The following SLC9A7 variants were observed in gnomAD, a reference collection of about 807,000 sequenced individuals.
SLC9A7 encodes sodium/hydrogen exchanger 7.
Under a neutral mutation model 52.6 loss-of-function variants are expected in SLC9A7, and 19 were observed. The ratio of observed to expected loss-of-function variants is 0.36; its 90% CI spans 0.25 to 0.53. The LOEUF (loss-of-function observed/expected upper bound fraction) is 0.53, where lower values mean the gene tolerates loss of function less well. SLC9A7 is among the 20% of genes least tolerant of loss of function. The pLI is 0.91. For missense variants in SLC9A7, 455 were observed against 597.9 expected (o/e 0.76, Z 2.49); for synonymous variants, 226 against 252.1 (o/e 0.90, Z 0.98).
intron 1 of SLC9A7, 115 bp downstream of exon 1, chrX:46,758,590 G>A: frequency 2.3e-6 from 1 of 443,389 alleles, no homozygotes; most frequent in Non-Finnish European, 3.6e-6. Context: ...GTCGCAGCGG[G>A]AAACGTAAAA....
chrX:46,659,072 C>T (rs1415151026), intron 7 of SLC9A7, among the ~76,000 whole-genome samples: 6 of 110,418 alleles, frequency 5.4e-5, no homozygotes, highest in Admixed American at 2.9e-4. Context: ...GTTCAATATA[C>T]GCAAATCAAT....
intron 12 of SLC9A7, among the ~76,000 whole-genome samples, chrX:46,642,569 C>T (rs911252552): frequency 8.9e-6 from 1 of 112,123 alleles, no homozygotes; most frequent in Non-Finnish European, 1.9e-5. Flanking sequence ...GGCTGTGGGT[C>T]TCTTGAACCT....
intron 1 of SLC9A7, among the ~76,000 whole-genome samples, chrX:46,734,837 T>C (rs745988466): frequency 1.1e-3 from 118 of 112,043 alleles, no homozygotes; most frequent in African/African-American, 3.5e-3. Flanking sequence ...ATCAACACAA[T>C]CACTCCAATA....
At chrX:46,736,998 C>T (rs1000626816) in intron 1 of SLC9A7, among the ~76,000 whole-genome samples, 1 of 111,868 alleles carries the variant, frequency 8.9e-6, no homozygotes, top group African/African-American at 3.2e-5. Flanking sequence ...CCTCCAAACA[C>T]AATGCCAGGC....
intron 1 of SLC9A7, among the ~76,000 whole-genome samples, chrX:46,739,034 G>A (rs976320852): frequency 2.7e-5 from 3 of 111,099 alleles, no homozygotes; most frequent in East Asian, 2.8e-4. Context: ...CATATCTACC[G>A]CCACTTCCTC....
chrX:46,646,531 A>G, intron 11 of SLC9A7: 1 of 194,124 alleles, frequency 5.2e-6, no homozygotes, highest in Non-Finnish European at 1.0e-5. Flanking sequence ...TGTAGTGGGG[A>G]GGGGCAGAGG....
chrX:46,730,670 T>TTATATATATATATATATATATA (rs57157177), intron 1 of SLC9A7, among the ~76,000 whole-genome samples: 42 of 42,895 alleles, frequency 9.8e-4, no homozygotes, highest in East Asian at 1.9e-3. Flanking sequence ...AAAAAAAAAA[T>TTATATATATATATATATATATA]TATATATATA....
intron 1 of SLC9A7, among the ~76,000 whole-genome samples, chrX:46,755,421 A>C (rs2147037134): frequency 8.9e-6 from 1 of 111,746 alleles, no homozygotes; most frequent in South Asian, 3.8e-4. Context: ...CACAGGGCTC[A>C]GAAAAGCTCC....
At chrX:46,654,778 G>A (rs979467920) in intron 7 of SLC9A7, among the ~76,000 whole-genome samples, 3 of 110,897 alleles carry the variant, frequency 2.7e-5, no homozygotes, top group Admixed American at 9.6e-5. Context: ...TTCAACACAC[G>A]GCCAGCATAG....
intron 1 of SLC9A7, chrX:46,725,394 GCATCTTC>G: frequency 2.5e-6 from 3 of 1,192,136 alleles, no homozygotes; most frequent in Non-Finnish European, 3.4e-6. Flanking sequence ...GATTTCATTT[GCATCTTC>G]CATCATATCC....
chrX:46,754,440 C>A (rs1462985063), intron 1 of SLC9A7, among the ~76,000 whole-genome samples: 4 of 111,858 alleles, frequency 3.6e-5, no homozygotes, highest in Non-Finnish European at 7.5e-5. Context: ...CCAACTGGGG[C>A]CAAAGTGAGG....
intron 1 of SLC9A7, among the ~76,000 whole-genome samples, chrX:46,686,970 C>T (rs1245077259): frequency 4.5e-5 from 5 of 112,264 alleles, no homozygotes; most frequent in African/African-American, 9.7e-5. Context: ...CACAACTGTA[C>T]TTGCATATAT....
intron 4 of SLC9A7, among the ~76,000 whole-genome samples, chrX:46,671,977 T>C (rs1342737929): frequency 1.8e-5 from 2 of 112,503 alleles, no homozygotes; most frequent in East Asian, 5.6e-4. Context: ...GGAATTCTTC[T>C]GCACAGGAGA....
chrX:46,733,515 G>T (rs1028257830), intron 1 of SLC9A7, among the ~76,000 whole-genome samples: 2 of 111,520 alleles, frequency 1.8e-5, no homozygotes, highest in African/African-American at 6.5e-5. Context: ...CTCTTAAAAA[G>T]ACATAAAACT....
At chrX:46,747,567 T>C (rs1921872882) in intron 1 of SLC9A7, among the ~76,000 whole-genome samples, 1 of 110,721 alleles carries the variant, frequency 9.0e-6, no homozygotes, top group Admixed American at 9.7e-5. Flanking sequence ...AAAAAGCAAA[T>C]GCAAAAAAAA....
chrX:46,648,675 C>A lies in SLC9A7; in HGVS notation c.1462+11G>T, dbSNP rs368388682. The stretch of plus-strand genomic sequence containing the variant: ...ATAAAACTCATTTTCTTTACACTTA[C>A]GCCTTTTTACCTGAAAACATCATCA... On this transcript the variant is annotated intron_variant, in intron 11 of 16. Transcript: ENST00000616978. 5.3e-6 allele frequency: 6 copies of A among 1,140,692 alleles called. No homozygotes were observed. The highest frequency in any genetic ancestry group is 7.2e-6 in the Non-Finnish European group (6 of 831,537). 94.0% of individuals were successfully genotyped at this position (1,140,692 alleles called of 1,213,427 possible). A position where few individuals can be genotyped will look rare whatever the true frequency, so the allele number is the denominator to read the frequency against.
chrX:46,699,009 C>A (rs913994390), intron 1 of SLC9A7, among the ~76,000 whole-genome samples: 15 of 111,710 alleles, frequency 1.3e-4, no homozygotes, highest in African/African-American at 4.9e-4. Context: ...ATCTCATCCC[C>A]TTAGAACAAT....
Position 46,759,006 on chromosome X carries a change from G to T in SLC9A7, c.24C>A (p.Arg8=). The part of the protein sequence containing the change: MEPGDAA[R]PGSGRATGAP... ...CCCCGGTAGCCCGACCCGAGCCAGG[G>T]CGCGCCGCGTCACCAGGCTCCATGG... The change falls in exon 1 of 17, where the codon CGC becomes CGA. Residue 8 remains arginine (R), a synonymous_variant. Coordinates refer to ENST00000616978, the MANE Select transcript of SLC9A7 (RefSeq NM_001257291.2). 1.0e-6 allele frequency: 1 copy of T among 971,042 alleles called. No individual in the cohort carries two copies. Among genetic ancestry groups the T allele is most frequent in the East Asian group, 4.4e-5 (1 of 22,661 alleles). 80.0% of individuals were successfully genotyped at this position (971,042 alleles called of 1,213,427 possible).
At chrX:46,661,937 A>G (rs916072727) in intron 7 of SLC9A7, 79 bp downstream of exon 7, 2 of 910,091 alleles carry the variant, frequency 2.2e-6, no homozygotes, top group African/African-American at 4.1e-5. Context: ...ATTTGAAAGA[A>G]CAGCTGAGAA....
Sources: gnomAD v4.1 joint callset for allele counts (sites outside exome capture counted in the v4.1 genomes callset) on GRCh38, gnomAD v4.1.1 for gene constraint, MANE v1.5 for transcripts, NCBI Gene and HGNC (gene_info 2026-07-23, HGNC 2026-07-21) for gene names.